The following ABCA10 variants were observed in gnomAD, a reference collection of about 807,000 sequenced individuals.
ABCA10 encodes the protein ATP-binding cassette sub-family A member 10.
Under a neutral mutation model 187.5 loss-of-function variants are expected in ABCA10, and 169 were observed. That is an observed-to-expected ratio of 0.90 (90% confidence interval 0.80 to 1.02). The LOEUF is 1.02. Ranked by LOEUF, ABCA10 falls within the 50% of genes least tolerant of loss-of-function variation. The pLI is 0.00. For synonymous variants in ABCA10, 574 were observed against 601.8 expected, an observed-to-expected ratio of 0.95 and a Z score of 0.68; for missense variants, 1,727 against 1,812.4, an observed-to-expected ratio of 0.95 and a Z score of 0.86.
At chr17:69,179,200 C>CA (rs906762291) in intron 22 of ABCA10, among the ~76,000 whole-genome samples, 3 of 82,362 alleles carry the variant, frequency 3.6e-5, no homozygotes, top group African/African-American at 6.9e-5. Flanking sequence ...AACAAAAAAA[C>CA]AAAACAAACA....
rs148774028 is a variant in ABCA10 at position 69,243,606 on chromosome 17, G to A, written c.-593+923C>T. On this transcript the variant is annotated intron_variant, in intron 1 of 39. Transcript: ENST00000269081. Reference sequence around the variant, plus strand: ...TTTTGTGTATTTTGCCTATTTTTACGATGCTTGAAGGCCAGGTACAGTGGT... The same window carrying A: ...TTTTGTGTATTTTGCCTATTTTTACAATGCTTGAAGGCCAGGTACAGTGGT... Among the ~76,000 whole-genome samples, 8 of 152,244 alleles carry A rather than the reference G, an allele frequency of 5.3e-5. No individual in the cohort carries two copies. The East Asian group carries it at 1.4e-3, about 26-fold the overall frequency.
intron 1 of ABCA10, among the ~76,000 whole-genome samples, chr17:69,240,359 T>C (rs934731581): frequency 4.6e-5 from 7 of 152,120 alleles, no homozygotes; most frequent in Admixed American, 1.3e-4. Context: ...AAGGCTGCCC[T>C]AGGGAGTTGA....
At position 69,227,134 on chromosome 17, in the gene ABCA10, G is replaced by T. The variant is rs2074801021; in HGVS notation, c.-172+11C>A. ...TTATGGATATATATATATATATATAGTGAATCATACCAATAAACTCTCTTT... is the reference window on the plus strand; with the variant it reads ...TTATGGATATATATATATATATATATTGAATCATACCAATAAACTCTCTTT... On this transcript the variant is annotated intron_variant, in intron 2 of 38. Transcript: ENST00000690296. 7.9e-5 allele frequency: 6 copies of T among 76,216 alleles called. No homozygotes were observed. The highest frequency in any genetic ancestry group is 1.1e-3 in the South Asian group (2 of 1,756). The allele number at this position is 76,216 out of a possible 1,614,324, so 4.7% of individuals were successfully genotyped here.
chr17:69,163,813 T>G, intron 27 of ABCA10, among the ~76,000 whole-genome samples: 1 of 152,232 alleles, frequency 6.6e-6, no homozygotes, highest in African/African-American at 2.4e-5. Flanking sequence ...TCTTACATAC[T>G]GCCTCAAATT....
chr17:69,196,028 CA>C (rs1162758961), intron 11 of ABCA10, among the ~76,000 whole-genome samples: 2 of 152,240 alleles, frequency 1.3e-5, no homozygotes, highest in African/African-American at 4.8e-5. Context: ...TTCCACTGGA[CA>C]AAACCGCCAT....
At position 69,178,681 on chromosome 17, in the gene ABCA10, A is replaced by G. The variant is rs534476642; in HGVS notation, c.2770-3168T>C. ...AAAATAAAAATAAATTATCCTCCAC[A>G]ATGGGTGAGCAGTAAAATATACTAT... is the stretch of plus-strand genomic sequence containing the variant. On this transcript the variant is annotated intron_variant, in intron 22 of 38. Coordinates refer to ENST00000690296, the MANE Select transcript of ABCA10 (RefSeq NM_001377321.1). Among the ~76,000 whole-genome samples the G allele has an allele frequency of 3.9e-4, 60 of 152,292 alleles. 1 individual carries two copies. Among genetic ancestry groups the G allele is most frequent in the Middle Eastern group, 6.8e-3 (2 of 294 alleles).
intron 26 of ABCA10, 96 bp from the exon 27 acceptor site, chr17:69,164,250 G>A (rs1325032997): frequency 8.3e-6 from 8 of 960,460 alleles, no homozygotes; most frequent in African/African-American, 6.9e-5. Flanking sequence ...TGTTCTATGG[G>A]ACAACAGTAA....
At chr17:69,226,985 T>C (rs1228738116) in intron 2 of ABCA10, among the ~76,000 whole-genome samples, 160 bp downstream of exon 2, 1 of 151,776 alleles carries the variant, frequency 6.6e-6, no homozygotes, top group Non-Finnish European at 1.5e-5. Flanking sequence ...GCAAAATATA[T>C]ATCGTTTTGC....
intron 9 of ABCA10, among the ~76,000 whole-genome samples, chr17:69,210,159 A>G (rs1358002402): frequency 1.6e-5 from 2 of 123,358 alleles, no homozygotes; most frequent in Admixed American, 1.6e-4. Flanking sequence ...TAAATTATTT[A>G]GTGGTTATTT....
At chr17:69,197,021 G>GGGAGAGGGAGA (rs1568065049) in intron 11 of ABCA10, 43 bp downstream of exon 11, 2 of 1,396,744 alleles carry the variant, frequency 1.4e-6, no homozygotes, top group Admixed American at 2.1e-5. Flanking sequence ...GGAGGGGGAG[G>GGGAGAGGGAGA]GGGAGAGGGA....
chr17:69,161,122 G>T (rs980312836), intron 27 of ABCA10, among the ~76,000 whole-genome samples: 15 of 152,062 alleles, frequency 9.9e-5, no homozygotes, highest in African/African-American at 2.9e-4. Context: ...TAAACCTTGA[G>T]AACATTATAC....
chr17:69,197,697 T>C (rs1568065261), intron 10 of ABCA10, among the ~76,000 whole-genome samples: 1 of 152,316 alleles, frequency 6.6e-6, no homozygotes, highest in East Asian at 1.9e-4. Context: ...TTACTCACTC[T>C]TTTGTTTTCT....
At position 69,149,183 on chromosome 17, in the gene ABCA10, A is replaced by C. The variant is rs913207532; in HGVS notation, c.4478-95T>G. 3.0e-6 allele frequency: 4 copies of C among 1,346,488 alleles called. No individual in the cohort carries two copies. The South Asian group carries it at 3.7e-5, about 12-fold the overall frequency. The allele number at this position is 1,346,488 out of a possible 1,614,324, so 83.4% of individuals were successfully genotyped here. A position where few individuals can be genotyped will look rare whatever the true frequency, so the allele number is the denominator to read the frequency against. On this transcript the variant is annotated intron_variant, in intron 37 of 38. Transcript: ENST00000690296. ...GAGACAGTAGCTTCAAATTGTTTAG[A>C]TACTGTAAGATATAGGCCAAATAAT...
chr17:69,214,494 G>A (rs1481785210), intron 9 of ABCA10, among the ~76,000 whole-genome samples: 2 of 141,352 alleles, frequency 1.4e-5, no homozygotes, highest in African/African-American at 2.7e-5. Context: ...CAGCCTGGGC[G>A]ACAGAGCGAG....
At chr17:69,221,958 C>CT in intron 4 of ABCA10, 63 bp from the exon 5 acceptor site, 1 of 1,288,732 alleles carries the variant, frequency 7.8e-7, no homozygotes, top group Non-Finnish European at 1.1e-6. Context: ...GGAATTAAAA[C>CT]TTTAACTTTG....
At position 69,242,113 on chromosome 17, in the gene ABCA10, C is replaced by A. The variant is rs182308593; in HGVS notation, c.-593+2416G>T. ...GTAAAGCTTGATGTATAATTTTAAT[C>A]TCATTCTATCACAAACTTGATTTCA... is the stretch of plus-strand genomic sequence containing the variant. On this transcript the variant is annotated intron_variant, in intron 1 of 39. Coordinates refer to the ABCA10 transcript ENST00000269081. 5.9e-5 allele frequency among the ~76,000 whole-genome samples: 9 copies of A among 152,290 alleles called. No homozygotes were observed. In the East Asian group the frequency reaches 1.7e-3, roughly 29 times the overall value.
In ABCA10 at chr17:69,174,769, A is replaced by G; in HGVS notation, c.2886T>C (p.Val962=). The change falls in exon 24 of 39, where the codon GTT becomes GTC. Residue 962 remains valine (V), a synonymous_variant. Coordinates refer to ENST00000690296, the MANE Select transcript of ABCA10 (RefSeq NM_001377321.1). The part of the protein sequence containing the change: ...MSSISDYKKN[V]QSQLWISGLW... Reference sequence around the variant, plus strand: ...GGCCTGAAATCCATAACTGGGATTGAACATTTTTCTGACAAAGAATAGAAG... The same window carrying G: ...GGCCTGAAATCCATAACTGGGATTGGACATTTTTCTGACAAAGAATAGAAG... 6.3e-7 allele frequency: 1 copy of G among 1,576,756 alleles called. No homozygotes were observed. Among genetic ancestry groups the G allele is most frequent in the Middle Eastern group, 1.7e-4 (1 of 5,862 alleles).
rs1374468544 is a variant in ABCA10 at position 69,218,074 on chromosome 17, A to G, written c.530+1471T>C. Among the ~76,000 whole-genome samples, 6 of 152,306 alleles carry G rather than the reference A, an allele frequency of 3.9e-5. No individual in the cohort carries two copies. The East Asian group carries it at 1.2e-3, about 29-fold the overall frequency. The stretch of plus-strand genomic sequence containing the variant: ...ATATTCCAATTGTTCTGATTTGATC[A>G]TTACACACTGTATACATGTATCAAG... On this transcript the variant is annotated intron_variant, in intron 6 of 38. Transcript: ENST00000690296.
At chr17:69,149,339 T>C (rs955015715) in intron 37 of ABCA10, 4 of 454,944 alleles carry the variant, frequency 8.8e-6, no homozygotes, top group African/African-American at 7.9e-5. Flanking sequence ...CTTTTGATTC[T>C]TTACATATAT....
Sources: allele counts gnomAD v4.1 joint callset (sites outside exome capture counted in the v4.1 genomes callset), GRCh38; gene constraint gnomAD v4.1.1; transcripts MANE v1.5; gene names NCBI Gene and HGNC (gene_info 2026-07-23, HGNC 2026-07-21).